DNAJC15: variants seen among roughly 807,000 people sequenced by gnomAD.
DNAJC15 encodes dnaJ homolog subfamily C member 15.
DNAJC15 carries 27 observed loss-of-function variants against 22.4 expected under a neutral mutation model. The ratio of observed to expected loss-of-function variants is 1.20; its 90% CI spans 0.89 to 1.66. DNAJC15 has a LOEUF of 1.66. DNAJC15 is among the 40% of genes most tolerant of loss of function. The pLI is 0.00. For missense variants in DNAJC15, 208 were observed against 187.1 expected, an observed-to-expected ratio of 1.11 and a Z score of -0.65; for synonymous variants, 79 against 63.2, an observed-to-expected ratio of 1.25 and a Z score of -1.19.
intron 3 of DNAJC15, among the ~76,000 whole-genome samples, chr13:43,076,557 A>T (rs1248213430): frequency 6.6e-6 from 1 of 152,236 alleles, no homozygotes; most frequent in Admixed American, 6.5e-5. Context: ...TTAAAGTTAT[A>T]TGCTTTCAGA....
At position 43,112,656 on chromosome 13, in the gene DNAJC15, C is replaced by G. The variant is rs1187724929; in HGVS notation, c.*5408C>G. The stretch of plus-strand genomic sequence containing the variant: ...ACCTATGTTACCTTGATTTTCATAG[C>G]CAGCCTAAGAGGTACTATTATGTAT... On this transcript the variant is annotated 3_prime_UTR_variant, in exon 6 of 6. Coordinates refer to ENST00000379221, the MANE Select transcript of DNAJC15 (RefSeq NM_013238.3). The G allele has an allele frequency of 6.6e-6, 1 of 152,164 alleles. No homozygotes were observed. Among genetic ancestry groups the G allele is most frequent in the Non-Finnish European group, 1.5e-5 (1 of 68,034 alleles). 9.4% of individuals were successfully genotyped at this position (152,164 alleles called of 1,614,324 possible). A position where few individuals can be genotyped will look rare whatever the true frequency, so the allele number is the denominator to read the frequency against.
intron 1 of DNAJC15, among the ~76,000 whole-genome samples, chr13:43,037,863 A>G (rs2040435833): frequency 6.6e-6 from 1 of 152,188 alleles, no homozygotes; most frequent in Non-Finnish European, 1.5e-5. Context: ...AGGAGCCAAA[A>G]CTCAAACCAT....
At chr13:43,059,236 A>T (rs952679424) in intron 1 of DNAJC15, among the ~76,000 whole-genome samples, 1 of 152,112 alleles carries the variant, frequency 6.6e-6, no homozygotes, top group Non-Finnish European at 1.5e-5. Context: ...TATTAATTTT[A>T]TTATTAAAAA....
At chr13:43,058,706 C>G (rs1348951186) in intron 1 of DNAJC15, among the ~76,000 whole-genome samples, 3 of 152,228 alleles carry the variant, frequency 2.0e-5, no homozygotes, top group Non-Finnish European at 2.9e-5. Context: ...AACTTTCCTT[C>G]TACCTGTGGT....
chr13:43,044,641 T>C (rs981097623), intron 1 of DNAJC15, among the ~76,000 whole-genome samples: 2 of 152,188 alleles, frequency 1.3e-5, no homozygotes, highest in African/African-American at 2.4e-5. Context: ...GAGAGACTTT[T>C]GGATATATTT....
At chr13:43,080,419 A>G (rs920315534) in intron 4 of DNAJC15, among the ~76,000 whole-genome samples, 3 of 152,190 alleles carry the variant, frequency 2.0e-5, no homozygotes, top group Non-Finnish European at 4.4e-5. Context: ...GTAGTATTCC[A>G]TGGTGTTTAT....
intron 1 of DNAJC15, among the ~76,000 whole-genome samples, chr13:43,048,233 A>G (rs1422567302): frequency 1.3e-5 from 2 of 151,966 alleles, no homozygotes; most frequent in Non-Finnish European, 2.9e-5. Context: ...TTATCCCAGC[A>G]CTTTGGGAGG....
At chr13:43,069,058 C>T (rs2040596799) in intron 3 of DNAJC15, 55 bp downstream of exon 3, 3 of 1,511,338 alleles carry the variant, frequency 2.0e-6, no homozygotes, top group Middle Eastern at 1.8e-4. Flanking sequence ...GTTCATATGA[C>T]ATATTTCAAT....
chr13:43,096,589 A>G (rs2040740742), intron 5 of DNAJC15, among the ~76,000 whole-genome samples: 1 of 152,234 alleles, frequency 6.6e-6, no homozygotes, highest in African/African-American at 2.4e-5. Context: ...ATAATGCACT[A>G]GATACTGAAG....
At chr13:43,036,906 G>A (rs139633002) in intron 1 of DNAJC15, among the ~76,000 whole-genome samples, 1 of 152,258 alleles carries the variant, frequency 6.6e-6, no homozygotes, top group African/African-American at 2.4e-5. Context: ...AGTGGATGCC[G>A]TGAGTCGGGA....
At chr13:43,087,949 C>T (rs910278769) in intron 5 of DNAJC15, among the ~76,000 whole-genome samples, 4 of 152,080 alleles carry the variant, frequency 2.6e-5, no homozygotes, top group African/African-American at 9.7e-5. Flanking sequence ...ATTTCGTGTC[C>T]TTGATCTAAT....
chr13:43,039,984 G>A (rs1049344213), intron 1 of DNAJC15, among the ~76,000 whole-genome samples: 2 of 152,118 alleles, frequency 1.3e-5, no homozygotes, highest in Admixed American at 6.6e-5. Flanking sequence ...ACACCACTGC[G>A]CTCCATCCTG....
chr13:43,066,255 T>C (rs988103954), intron 2 of DNAJC15, among the ~76,000 whole-genome samples: 1 of 152,046 alleles, frequency 6.6e-6, no homozygotes. Context: ...AGTTCTTTTT[T>C]TTTTCTTTTT....
At chr13:43,082,656 T>C (rs1566213019) in intron 4 of DNAJC15, among the ~76,000 whole-genome samples, 1 of 152,148 alleles carries the variant, frequency 6.6e-6, no homozygotes, top group Non-Finnish European at 1.5e-5. Flanking sequence ...CATAATGCGT[T>C]GTGGAGTTTT....
intron 3 of DNAJC15, 39 bp downstream of exon 3, chr13:43,069,042 A>G (rs1182833648): frequency 2.5e-6 from 4 of 1,573,022 alleles, no homozygotes; most frequent in Non-Finnish European, 3.5e-6. Context: ...ACTCATTTTG[A>G]TTTTTGTTCA....
intron 5 of DNAJC15, among the ~76,000 whole-genome samples, chr13:43,101,631 A>G (rs1234512058): frequency 6.6e-6 from 1 of 152,106 alleles, no homozygotes; most frequent in African/African-American, 2.4e-5. Context: ...GTGTCCTCCA[A>G]AGTCCATTAT....
At chr13:43,030,384 T>C (rs1033044938) in intron 1 of DNAJC15, among the ~76,000 whole-genome samples, 2 of 152,208 alleles carry the variant, frequency 1.3e-5, no homozygotes, top group African/African-American at 2.4e-5. Context: ...CTGCAGACCA[T>C]ATAGCATCTG....
Position 43,045,820 on chromosome 13 carries a change from C to G in DNAJC15, c.109-19866C>G, listed in dbSNP as rs1372964323. Among the ~76,000 whole-genome samples, 4 of 152,290 alleles carry G rather than the reference C, an allele frequency of 2.6e-5. No individual in the cohort carries two copies. The East Asian group carries it at 5.8e-4, about 22-fold the overall frequency. ...TACAAACACATACCTACTTCTTTAT[C>G]TGCTTAATTTTTTTCCATAGCACAA... On this transcript the variant is annotated intron_variant, in intron 1 of 5. Transcript: ENST00000379221.
At chr13:43,046,087 A>G (rs1227857720) in intron 1 of DNAJC15, among the ~76,000 whole-genome samples, 1 of 151,412 alleles carries the variant, frequency 6.6e-6, no homozygotes, top group African/African-American at 2.4e-5. Flanking sequence ...TTGGGAGTTT[A>G]TTTTCCTTAA....
Sources: gnomAD v4.1 joint callset for allele counts (sites outside exome capture counted in the v4.1 genomes callset) on GRCh38, gnomAD v4.1.1 for gene constraint, MANE v1.5 for transcripts, NCBI Gene and HGNC (gene_info 2026-07-23, HGNC 2026-07-21) for gene names.